The following GRIP2 variants were observed in gnomAD, a reference collection of about 807,000 sequenced individuals.
GRIP2 encodes glutamate receptor interacting protein 2.
Under a neutral mutation model 108.3 loss-of-function variants are expected in GRIP2, and 58 were observed. That is an observed-to-expected ratio of 0.54 (90% confidence interval 0.43 to 0.67). The LOEUF (loss-of-function observed/expected upper bound fraction) is 0.67, where lower values mean the gene tolerates loss of function less well. Among genes scored for constraint, GRIP2 ranks in the 30% least tolerant of loss-of-function variants. The pLI is 0.00. For missense variants in GRIP2, 1,278 were observed against 1,430.6 expected, an observed-to-expected ratio of 0.89 and a Z score of 1.72; for synonymous variants, 586 against 598.2, an observed-to-expected ratio of 0.98 and a Z score of 0.30.
the GRIP2 span, among the ~76,000 whole-genome samples, chr3:14,592,008 A>T: frequency 6.6e-6 from 1 of 152,186 alleles, no homozygotes. Flanking sequence ...CTGTATTCTG[A>T]TGTCTGGCAC....
intron 10 of GRIP2, 74 bp from the exon 11 acceptor site, chr3:14,517,287 A>C: frequency 2.8e-6 from 4 of 1,435,724 alleles, no homozygotes; most frequent in Non-Finnish European, 3.7e-6. Context: ...GGTGCTGGGA[A>C]GCCACCCAAC....
rs1394570154 is a variant in GRIP2, at chr3:14,511,222, G to A, written c.1876C>T (p.Leu626=). ...NCPMEDAVQI[L]RQCEDLVKLK... is the part of the protein sequence containing the mutation. ...TTCACCAGGTCCTCGCACTGCCGCA[G>A]GATTTGCACGGCGTCCTCCATGGGG... Residue 626 remains leucine (L), a synonymous_variant, in exon 16 of 24, where the codon CTG becomes TTG. Transcript: ENST00000621039. The surrounding 1 kb of genome is among the most constrained non-coding windows in gnomAD (Gnocchi z 4.1). 2.5e-6 allele frequency: 4 copies of A among 1,614,018 alleles called. No homozygotes were observed. The South Asian group carries it at 4.4e-5, about 18-fold the overall frequency.
Position 14,521,510 on chromosome 3 carries a change from G to T in GRIP2, c.712+132C>A. 1.1e-6 allele frequency: 1 copy of T among 949,754 alleles called. No homozygotes were observed. The allele number at this position is 949,754 out of a possible 1,614,324, so 58.8% of individuals were successfully genotyped here. A position where few individuals can be genotyped will look rare whatever the true frequency, so the allele number is the denominator to read the frequency against. On this transcript the variant is annotated intron_variant, in intron 7 of 23. Transcript: ENST00000621039. This position sits in a 1 kb window ranked among gnomAD's most constrained non-coding sequence, Gnocchi z 5.1. The stretch of plus-strand genomic sequence containing the variant: ...CCTAGCACATACTATTTACTGCCCA[G>T]AGAAGCTGTGACTGGCCCAAGGTCA...
chr3:14,515,913 G>A (rs1694235386), intron 11 of GRIP2, among the ~76,000 whole-genome samples: 2 of 152,144 alleles, frequency 1.3e-5, no homozygotes, highest in African/African-American at 4.8e-5. Context: ...TTACAGGCGT[G>A]AGCCACCATG....
At chr3:14,529,114 CAA>C (rs35039738) in intron 1 of GRIP2, among the ~76,000 whole-genome samples, 135 of 132,238 alleles carry the variant, frequency 1.0e-3, no homozygotes, top group East Asian at 7.2e-3. Context: ...ACTAAAAATA[CAA>C]AAAAAAAAAA....
chr3:14,589,645 G>A, the GRIP2 span, among the ~76,000 whole-genome samples: 2 of 152,100 alleles, frequency 1.3e-5, no homozygotes, highest in East Asian at 1.9e-4. Context: ...GAGAAGGAAC[G>A]GCCGGGTCAA....
chr3:14,552,499 T>C (rs1427391303), intron 1 of GRIP2, among the ~76,000 whole-genome samples: 1 of 152,194 alleles, frequency 6.6e-6, no homozygotes, highest in Non-Finnish European at 1.5e-5. Flanking sequence ...CCTTGACGTC[T>C]GTCGATTCTG....
chr3:14,552,221 T>C (rs12490230), intron 1 of GRIP2, among the ~76,000 whole-genome samples: 12,733 of 152,192 alleles, frequency 0.084, 621 homozygotes, highest in East Asian at 0.14. Context: ...CTGATGTGGC[T>C]GCCAGGAGAA....
the GRIP2 span, among the ~76,000 whole-genome samples, chr3:14,563,013 GA>G: frequency 2.1e-3 from 319 of 150,078 alleles, 3 homozygotes; most frequent in African/African-American, 6.9e-3. Context: ...GAGAGTGGGG[GA>G]AAAAAAAAAG....
At chr3:14,580,499 C>A in the GRIP2 span, among the ~76,000 whole-genome samples, 1 of 152,154 alleles carries the variant, frequency 6.6e-6, no homozygotes, top group Non-Finnish European at 1.5e-5. Context: ...AGTTCCAGAC[C>A]AGCCTGGGCA....
intron 21 of GRIP2, among the ~76,000 whole-genome samples, chr3:14,502,019 A>G (rs2124852455): frequency 6.6e-6 from 1 of 152,304 alleles, no homozygotes; most frequent in East Asian, 1.9e-4. Flanking sequence ...AGTATAAATT[A>G]TATACTAGAA....
At chr3:14,577,780 G>T in the GRIP2 span, among the ~76,000 whole-genome samples, 2 of 152,282 alleles carry the variant, frequency 1.3e-5, no homozygotes, top group African/African-American at 4.8e-5. Flanking sequence ...GTGAGGCTGG[G>T]GGTCCCACTT....
upstream of GRIP2, among the ~76,000 whole-genome samples, chr3:14,560,676 A>G (rs1375951113): frequency 6.6e-6 from 1 of 152,184 alleles, no homozygotes; most frequent in East Asian, 1.9e-4. Context: ...GACAAATCCA[A>G]TCCTGATGAT....
At chr3:14,574,441 G>A in the GRIP2 span, 2 of 712,552 alleles carry the variant, frequency 2.8e-6, no homozygotes, top group African/African-American at 1.7e-5. Flanking sequence ...TCCCGCTTCC[G>A]CCAGCCTCGC....
rs775930482 is a variant in GRIP2 at position 14,493,736 on chromosome 3, G to A, written c.3061C>T (p.Arg1021Cys). The A allele has an allele frequency of 1.2e-5, 20 of 1,609,530 alleles. No individual in the cohort carries two copies. Among genetic ancestry groups the A allele is most frequent in the South Asian group, 4.4e-5 (4 of 90,504 alleles). The part of the protein sequence containing the change: ...AGDVLELIIS[R>C]KPHTAHSSRA... ...CTGCTGTGTGCCGTGTGCGGCTTGC[G>A]GCTGATGATCAGCTCCAAGACATCA... Residue 1021 changes from arginine (R) to cysteine (C), a missense_variant, in exon 24 of 24, where the codon CGC becomes TGC. Coordinates refer to ENST00000621039, the MANE Select transcript of GRIP2 (RefSeq NM_001080423.4).
the GRIP2 span, among the ~76,000 whole-genome samples, chr3:14,599,432 T>C: frequency 2.6e-5 from 4 of 152,134 alleles, no homozygotes; most frequent in African/African-American, 7.2e-5. Context: ...GTCTCCCTGA[T>C]AGGAATTTGC....
the GRIP2 span, chr3:14,573,321 C>T: frequency 7.1e-7 from 1 of 1,411,898 alleles, no homozygotes; most frequent in Non-Finnish European, 1.0e-6. Context: ...AGTGACACCA[C>T]TCAGCAGGTA....
At chr3:14,584,807 C>T in the GRIP2 span, among the ~76,000 whole-genome samples, 9 of 152,198 alleles carry the variant, frequency 5.9e-5, no homozygotes, top group Admixed American at 2.0e-4. Flanking sequence ...CATACATCTC[C>T]CCTGGAATCA....
chr3:14,550,895 C>T (rs1010824757), intron 1 of GRIP2, among the ~76,000 whole-genome samples: 1 of 152,198 alleles, frequency 6.6e-6, no homozygotes, highest in Non-Finnish European at 1.5e-5. Flanking sequence ...CTAGTGGCTG[C>T]TGGCCATGTG....
Sources: allele counts gnomAD v4.1 joint callset (sites outside exome capture counted in the v4.1 genomes callset), GRCh38; gene constraint gnomAD v4.1.1; non-coding constraint Gnocchi (gnomAD v3.1); transcripts MANE v1.5; gene names NCBI Gene and HGNC (gene_info 2026-07-23, HGNC 2026-07-21).